The following PATJ variants were observed in gnomAD, a reference collection of about 807,000 sequenced individuals.
PATJ encodes PATJ crumbs cell polarity complex component.
PATJ carries 190 observed loss-of-function variants against 224.9 expected under a neutral mutation model. The observed-to-expected ratio is 0.84, with a 90% confidence interval of 0.75 to 0.95. PATJ has a LOEUF of 0.95. Ranked by LOEUF, PATJ falls within the 40% of genes least tolerant of loss-of-function variation. The pLI, the probability that PATJ is intolerant of heterozygous loss-of-function variation, is 0.00. For missense variants in PATJ, 2,121 were observed against 2,270.3 expected (o/e 0.93, Z 1.34); for synonymous variants, 769 against 820.3 (o/e 0.94, Z 1.07).
At chr1:62,095,677 A>C (rs1661309136) in intron 33 of PATJ, among the ~76,000 whole-genome samples, 1 of 151,864 alleles carries the variant, frequency 6.6e-6, no homozygotes, top group Admixed American at 6.6e-5. Flanking sequence ...TGTGCTTCCC[A>C]GTTTTTTTTT....
At chr1:61,843,655 G>C (rs1464051957) in intron 17 of PATJ, among the ~76,000 whole-genome samples, 5 of 151,704 alleles carry the variant, frequency 3.3e-5, no homozygotes, top group African/African-American at 1.2e-4. Flanking sequence ...GGAGTTCAGA[G>C]GCTGCAGTGA....
intron 17 of PATJ, among the ~76,000 whole-genome samples, chr1:61,844,469 T>G (rs1661607131): frequency 6.6e-6 from 1 of 152,208 alleles, no homozygotes; most frequent in Non-Finnish European, 1.5e-5. Flanking sequence ...TCCCTCTTTT[T>G]TGAGGTTTCC....
intron 31 of PATJ, among the ~76,000 whole-genome samples, chr1:62,072,022 A>G (rs2148690673): frequency 6.6e-6 from 1 of 152,228 alleles, no homozygotes; most frequent in East Asian, 1.9e-4. Flanking sequence ...GCAGGAATTT[A>G]TGCCTTAAAG....
chr1:61,966,144 C>T (rs529086723), intron 27 of PATJ, among the ~76,000 whole-genome samples: 1 of 152,288 alleles, frequency 6.6e-6, no homozygotes, highest in South Asian at 2.1e-4. Context: ...TTGTGATCCA[C>T]CCACCTTGGC....
chr1:61,811,985 C>G (rs541564640), intron 14 of PATJ, among the ~76,000 whole-genome samples: 1 of 151,488 alleles, frequency 6.6e-6, no homozygotes, highest in East Asian at 2.0e-4. Flanking sequence ...GGCGTGAACC[C>G]GGGAGGCGGA....
At chr1:62,154,735 T>G (rs1228438330) in intron 43 of PATJ, among the ~76,000 whole-genome samples, 3 of 152,026 alleles carry the variant, frequency 2.0e-5, no homozygotes, top group African/African-American at 4.8e-5. Context: ...TCCAGAAAGC[T>G]AAACTATACA....
chr1:61,865,756 G>A (rs1188419134), intron 20 of PATJ: 2 of 152,136 alleles, frequency 1.3e-5, no homozygotes, highest in Middle Eastern at 3.2e-3. Context: ...AGACAGCTTA[G>A]TAATATGTTC....
At chr1:61,810,046 C>T (rs1654396693) in intron 14 of PATJ, among the ~76,000 whole-genome samples, 1 of 151,772 alleles carries the variant, frequency 6.6e-6, no homozygotes, top group Admixed American at 6.6e-5. Context: ...GATGGGGTTT[C>T]ACCATGTTGG....
Position 62,036,246 on chromosome 1 carries a change from C to T in PATJ, c.3960-1731C>T, listed in dbSNP as rs188046094. Among the ~76,000 whole-genome samples the T allele has an allele frequency of 6.1e-4, 93 of 152,102 alleles. 2 individuals are homozygous for T. Among genetic ancestry groups the T allele is most frequent in the Middle Eastern group, 3.4e-3 (1 of 294 alleles). ...ATGTAACTGGGTTGCTCTTACATGC[C>T]GGTGAGAAATGATGATGGCTTATAG... On this transcript the variant is annotated intron_variant, in intron 29 of 43. Coordinates refer to ENST00000642238, the MANE Select transcript of PATJ (RefSeq NM_001350145.3).
At chr1:61,794,859 G>A (rs977667266) in intron 9 of PATJ, among the ~76,000 whole-genome samples, 5 of 151,784 alleles carry the variant, frequency 3.3e-5, no homozygotes, top group Non-Finnish European at 7.4e-5. Flanking sequence ...GTGGTGGTGG[G>A]CGCCTGTAAT....
At chr1:61,780,514 A>T (rs755622232) in intron 7 of PATJ, among the ~76,000 whole-genome samples, 2 of 152,186 alleles carry the variant, frequency 1.3e-5, no homozygotes, top group Non-Finnish European at 2.9e-5. Context: ...ACAACACAAT[A>T]TTCTTTAAGG....
chr1:62,130,154 A>C (rs1455593143), intron 41 of PATJ, among the ~76,000 whole-genome samples: 1 of 150,478 alleles, frequency 6.6e-6, no homozygotes, highest in Admixed American at 6.6e-5. Flanking sequence ...AGGCCATAGC[A>C]AGATCCCGTC....
chr1:61,837,538 C>T (rs376894778), intron 17 of PATJ, among the ~76,000 whole-genome samples: 1 of 152,072 alleles, frequency 6.6e-6, no homozygotes, highest in African/African-American at 2.4e-5. Flanking sequence ...CCTGTAATCC[C>T]AGCACTTTGG....
chr1:62,002,367 C>G (rs1386369838), intron 28 of PATJ, among the ~76,000 whole-genome samples: 2 of 152,106 alleles, frequency 1.3e-5, no homozygotes, highest in Non-Finnish European at 2.9e-5. Flanking sequence ...ATCATGTAAT[C>G]CTGCCCCTAC....
chr1:61,999,969 C>G (rs1490207029), intron 28 of PATJ, among the ~76,000 whole-genome samples: 2 of 152,018 alleles, frequency 1.3e-5, no homozygotes, highest in African/African-American at 4.8e-5. Context: ...CAACCTCTGC[C>G]TCCCAGGTTC....
chr1:61,868,213 A>G (rs1320975569), intron 20 of PATJ, among the ~76,000 whole-genome samples: 1 of 152,184 alleles, frequency 6.6e-6, no homozygotes. Context: ...CATTAAGTAC[A>G]TGTACATTTT....
At chr1:61,959,442 T>TTC (rs199768878) in intron 27 of PATJ, among the ~76,000 whole-genome samples, 20,979 of 141,288 alleles carry the variant, frequency 0.15, 2,232 homozygotes, top group Non-Finnish European at 0.21. Flanking sequence ...TTCTTTTCTT[T>TTC]TTTTTTTTTT....
rs940786758 is a variant in PATJ, at chr1:62,153,442, T to C, written c.5463T>C (p.His1821=). 3 of 1,231,420 alleles carry C rather than the reference T, an allele frequency of 2.4e-6. No homozygotes were observed. Among genetic ancestry groups the C allele is most frequent in the African/African-American group, 3.1e-5 (2 of 64,408 alleles). The allele number at this position is 1,231,420 out of a possible 1,614,324, so 76.3% of individuals were successfully genotyped here. The change falls in exon 43 of 44, where the codon CAT becomes CAC. Residue 1821 remains histidine (H), a synonymous_variant. Coordinates refer to ENST00000642238, the MANE Select transcript of PATJ (RefSeq NM_001350145.3). The stretch of plus-strand genomic sequence containing the variant: ...TTGTAGGGGGTTATGGAAGTCCCCA[T>C]GGAGACCTGCCAATTTATGTCAAGA... ...FSIVGGYGSP[H]GDLPIYVKTV...
At chr1:62,041,155 T>G (rs1183247366) in intron 30 of PATJ, among the ~76,000 whole-genome samples, 1 of 152,146 alleles carries the variant, frequency 6.6e-6, no homozygotes, top group African/African-American at 2.4e-5. Context: ...CTTGCTCATG[T>G]AGATTCCCCT....
Sources: gnomAD v4.1 joint callset for allele counts (sites outside exome capture counted in the v4.1 genomes callset) on GRCh38, gnomAD v4.1.1 for gene constraint, MANE v1.5 for transcripts, NCBI Gene and HGNC (gene_info 2026-07-23, HGNC 2026-07-21) for gene names.